NDUFS4: variants seen among roughly 807,000 people sequenced by gnomAD.
The protein encoded by NDUFS4 is NADH dehydrogenase [ubiquinone] iron-sulfur protein 4, mitochondrial.
In NDUFS4, 28 loss-of-function variants were observed where a neutral mutation model predicts 24.3. The observed-to-expected ratio is 1.15, with a 90% confidence interval of 0.85 to 1.58. NDUFS4 has a LOEUF of 1.58. Among genes scored for constraint, NDUFS4 ranks in the 40% most tolerant of loss-of-function variants. The pLI is 0.00. For synonymous variants in NDUFS4, 93 were observed against 69.7 expected (o/e 1.34, Z -1.67); for missense variants, 223 against 207.9 (o/e 1.07, Z -0.45).
At chr5:53,671,564 C>G (rs1001364384) in intron 4 of NDUFS4, among the ~76,000 whole-genome samples, 1 of 152,168 alleles carries the variant, frequency 6.6e-6, no homozygotes, top group Non-Finnish European at 1.5e-5. Context: ...TGTAAAGAGA[C>G]GAATATCATC....
chr5:53,594,770 C>T (rs1750079581), intron 1 of NDUFS4, among the ~76,000 whole-genome samples: 1 of 151,970 alleles, frequency 6.6e-6, no homozygotes, highest in Non-Finnish European at 1.5e-5. Context: ...AAGACTTTAA[C>T]CACTCAAAAG....
intron 4 of NDUFS4, among the ~76,000 whole-genome samples, chr5:53,664,766 A>T (rs1202213477): frequency 1.3e-5 from 2 of 152,060 alleles, no homozygotes; most frequent in Non-Finnish European, 2.9e-5. Context: ...CTTCTTTGCC[A>T]TGGTTTCAAA....
intron 1 of NDUFS4, among the ~76,000 whole-genome samples, chr5:53,589,398 G>A (rs1000685384): frequency 6.6e-6 from 1 of 152,180 alleles, no homozygotes; most frequent in Non-Finnish European, 1.5e-5. Flanking sequence ...ATGCTACTCC[G>A]TGTATCCTCA....
In NDUFS4 at chr5:53,683,253, G is replaced by A. The variant is rs761955997; in HGVS notation, c.*32G>A. On this transcript the variant is annotated 3_prime_UTR_variant, in exon 5 of 5. Coordinates refer to ENST00000296684, the MANE Select transcript of NDUFS4 (RefSeq NM_002495.4). ...ACTGACTATATCTCTGCTTGACTGTGAATAAAGTCAGCTGTGCAGTATTTA... is the reference window on the plus strand; with the variant it reads ...ACTGACTATATCTCTGCTTGACTGTAAATAAAGTCAGCTGTGCAGTATTTA... 4 of 1,433,884 alleles carry A rather than the reference G, an allele frequency of 2.8e-6. No homozygotes were observed. The highest frequency in any genetic ancestry group is 1.7e-4 in the Middle Eastern group (1 of 5,736). The allele number at this position is 1,433,884 out of a possible 1,614,324, so 88.8% of individuals were successfully genotyped here. A position where few individuals can be genotyped will look rare whatever the true frequency, so the allele number is the denominator to read the frequency against.
chr5:53,645,261 A>G (rs753910279), intron 2 of NDUFS4, among the ~76,000 whole-genome samples: 1 of 152,154 alleles, frequency 6.6e-6, no homozygotes, highest in Admixed American at 6.6e-5. Context: ...GTATTTTACC[A>G]TTACTAAATG....
At chr5:53,579,222 G>A (rs368751710) in intron 1 of NDUFS4, among the ~76,000 whole-genome samples, 2 of 151,998 alleles carry the variant, frequency 1.3e-5, no homozygotes, top group Admixed American at 1.3e-4. Context: ...AACTATCATT[G>A]TTTCTTAAGA....
intron 1 of NDUFS4, among the ~76,000 whole-genome samples, chr5:53,574,785 TTTATA>T (rs1227788154): frequency 1.2e-4 from 19 of 152,192 alleles, no homozygotes; most frequent in African/African-American, 4.1e-4. Context: ...TTATTTTTTG[TTTATA>T]TTATATTCGG....
rs557994070 is a variant in NDUFS4, at chr5:53,633,331, C to T, written c.178-12902C>T. Among the ~76,000 whole-genome samples the T allele has an allele frequency of 3.3e-5, 5 of 152,306 alleles. 1 individual carries two copies. In the South Asian group the frequency reaches 1.0e-3, roughly 32 times the overall value. Reference sequence around the variant, plus strand: ...AAAAAGGTCACTGTGACCTTCCCCACTCCCTGTCTCTTATGAGGTAAGTTG... The same window carrying T: ...AAAAAGGTCACTGTGACCTTCCCCATTCCCTGTCTCTTATGAGGTAAGTTG... On this transcript the variant is annotated intron_variant, in intron 2 of 4. Coordinates refer to ENST00000296684, the MANE Select transcript of NDUFS4 (RefSeq NM_002495.4).
chr5:53,646,625 AC>A (rs1185972978), intron 3 of NDUFS4, among the ~76,000 whole-genome samples: 2 of 152,134 alleles, frequency 1.3e-5, no homozygotes, highest in Non-Finnish European at 2.9e-5. Flanking sequence ...TTTTCAGAGT[AC>A]TACTTACTAG....
chr5:53,660,135 C>G (rs1752289882), intron 4 of NDUFS4, among the ~76,000 whole-genome samples: 1 of 148,704 alleles, frequency 6.7e-6, no homozygotes, highest in Non-Finnish European at 1.5e-5. Context: ...GGTATATCTC[C>G]TAATGCTGTC....
intron 3 of NDUFS4, among the ~76,000 whole-genome samples, chr5:53,652,328 G>C (rs561802326): frequency 1.3e-5 from 2 of 152,056 alleles, no homozygotes; most frequent in South Asian, 4.1e-4. Flanking sequence ...GAGCAGCAGA[G>C]GCAGTGCTAA....
chr5:53,630,910 G>C (rs938033648), intron 2 of NDUFS4, among the ~76,000 whole-genome samples: 1 of 152,160 alleles, frequency 6.6e-6, no homozygotes, highest in African/African-American at 2.4e-5. Flanking sequence ...TCTCCGTCCA[G>C]TTTCCTTTTC....
At chr5:53,646,925 G>A (rs953441109) in intron 3 of NDUFS4, among the ~76,000 whole-genome samples, 1 of 151,904 alleles carries the variant, frequency 6.6e-6, no homozygotes, top group Admixed American at 6.6e-5. Context: ...GATACTATTC[G>A]TGGTTTTAAG....
intron 1 of NDUFS4, among the ~76,000 whole-genome samples, chr5:53,576,603 G>C (rs183348200): frequency 1.1e-3 from 165 of 152,090 alleles, no homozygotes; most frequent in African/African-American, 3.8e-3. Flanking sequence ...CTTGATTTGA[G>C]TCAGATTAAA....
At chr5:53,643,348 C>CA (rs1372371485) in intron 2 of NDUFS4, among the ~76,000 whole-genome samples, 5 of 152,068 alleles carry the variant, frequency 3.3e-5, no homozygotes, top group African/African-American at 1.2e-4. Flanking sequence ...TCCATATTGC[C>CA]ATACAAAAGT....
chr5:53,674,258 G>T (rs1011897606), intron 4 of NDUFS4, among the ~76,000 whole-genome samples: 1 of 152,148 alleles, frequency 6.6e-6, no homozygotes, highest in Admixed American at 6.5e-5. Context: ...ACTTAGCTAG[G>T]CCTGTTTGTT....
rs201472304 is a variant in NDUFS4, at chr5:53,657,939, A to AC, written c.351-612_351-611insC. Among the ~76,000 whole-genome samples, 22 of 152,164 alleles carry AC rather than the reference A, an allele frequency of 1.4e-4. No homozygotes were observed. The East Asian group carries it at 4.2e-3, about 29-fold the overall frequency. ...GAGTCCATCTCAAAAAAAAAAAAAA[A>AC]AAAGAATAAAAGTGACATTTCTTGA... On this transcript the variant is annotated intron_variant, in intron 3 of 4. Coordinates refer to ENST00000296684, the MANE Select transcript of NDUFS4 (RefSeq NM_002495.4).
chr5:53,658,113 C>G (rs1247096217), intron 3 of NDUFS4, among the ~76,000 whole-genome samples: 1 of 151,670 alleles, frequency 6.6e-6, no homozygotes, highest in African/African-American at 2.4e-5. Context: ...CAGGAGTGAG[C>G]GATCTTCAAA....
intron 2 of NDUFS4, among the ~76,000 whole-genome samples, chr5:53,605,268 G>C (rs146656544): frequency 3.7e-4 from 56 of 152,226 alleles, no homozygotes; most frequent in African/African-American, 1.2e-3. Context: ...TATGAAGTGA[G>C]GATGATTTTC....
Sources: gnomAD v4.1 joint callset for allele counts (sites outside exome capture counted in the v4.1 genomes callset) on GRCh38, gnomAD v4.1.1 for gene constraint, MANE v1.5 for transcripts, NCBI Gene and HGNC (gene_info 2026-07-23, HGNC 2026-07-21) for gene names.